The following ENTHD1 variants were observed in gnomAD, a reference collection of about 807,000 sequenced individuals.
ENTHD1 encodes ENTH domain-containing protein 1.
In ENTHD1, 23 loss-of-function variants were observed where a neutral mutation model predicts 39.1. The observed-to-expected ratio is 0.59, with a 90% CI of 0.42 to 0.83. The LOEUF (loss-of-function observed/expected upper bound fraction) is 0.83. ENTHD1 is among the 40% of genes least tolerant of loss of function. The probability of loss-of-function intolerance (pLI) is 0.00; values close to 1 mark genes in which losing one functional copy is unlikely to be tolerated. For synonymous variants in ENTHD1, 230 were observed against 258.2 expected (o/e 0.89, Z 1.05); for missense variants, 624 against 705.4 (o/e 0.88, Z 1.31).
At chr22:39,799,952 G>T (rs1407879670) in intron 5 of ENTHD1, among the ~76,000 whole-genome samples, 2 of 152,318 alleles carry the variant, frequency 1.3e-5, no homozygotes, top group Non-Finnish European at 2.9e-5. Flanking sequence ...ATGTAGTCTG[G>T]TGGGGGCTGG....
chr22:39,796,238 A>T (rs1397084236), intron 5 of ENTHD1, among the ~76,000 whole-genome samples: 1 of 151,768 alleles, frequency 6.6e-6, no homozygotes, highest in Non-Finnish European at 1.5e-5. Context: ...TGTCCCACTA[A>T]TTTTGGTATG....
At chr22:39,791,125 A>G (rs1392491886) in intron 5 of ENTHD1, among the ~76,000 whole-genome samples, 4 of 150,496 alleles carry the variant, frequency 2.7e-5, no homozygotes, top group Non-Finnish European at 4.4e-5. Flanking sequence ...CCATTTTAAT[A>G]TCCTAATACA....
At chr22:39,836,926 C>T (rs1432291770) in intron 3 of ENTHD1, among the ~76,000 whole-genome samples, 1 of 152,168 alleles carries the variant, frequency 6.6e-6, no homozygotes, top group Admixed American at 6.5e-5. Context: ...TCCTGTACAG[C>T]CTGCAGAACC....
intron 5 of ENTHD1, among the ~76,000 whole-genome samples, chr22:39,803,202 G>A (rs901198348): frequency 2.0e-5 from 3 of 151,842 alleles, no homozygotes; most frequent in South Asian, 2.1e-4. Flanking sequence ...CCATCCCCTC[G>A]TTTGCTACGT....
intron 4 of ENTHD1, among the ~76,000 whole-genome samples, chr22:39,821,384 T>C (rs2065782282): frequency 2.0e-5 from 3 of 152,208 alleles, no homozygotes; most frequent in Admixed American, 2.0e-4. Flanking sequence ...CCCTTCAGCA[T>C]CCTTACAGCA....
At chr22:39,745,031 G>A (rs963714648) in intron 6 of ENTHD1, among the ~76,000 whole-genome samples, 2 of 152,138 alleles carry the variant, frequency 1.3e-5, no homozygotes, top group Non-Finnish European at 2.9e-5. Flanking sequence ...TCCTTCAGAT[G>A]TTAGAAGATG....
At chr22:39,815,612 G>A (rs531327951) in intron 5 of ENTHD1, among the ~76,000 whole-genome samples, 48 of 152,088 alleles carry the variant, frequency 3.2e-4, no homozygotes, top group African/African-American at 9.9e-4. Context: ...CTAACCGTAC[G>A]GCAATTTCGC....
rs545622251 is a variant in ENTHD1, at chr22:39,847,163, A to G, written c.593-11205T>C. On this transcript the variant is annotated intron_variant, in intron 3 of 6. Coordinates refer to ENST00000325157, the MANE Select transcript of ENTHD1 (RefSeq NM_152512.4). ...AGACTGGATTAAGAAAATGTGGCAC[A>G]TATACACCATGGAATACTATGCAGC... Among the ~76,000 whole-genome samples, 663 of 152,176 alleles carry G rather than the reference A, an allele frequency of 4.4e-3. 6 individuals carry two copies. Among genetic ancestry groups the G allele is most frequent in the Non-Finnish European group, 6.6e-3 (450 of 67,994 alleles).
At chr22:39,763,145 T>TA (rs1257136494) in intron 6 of ENTHD1, among the ~76,000 whole-genome samples, 1 of 152,192 alleles carries the variant, frequency 6.6e-6, no homozygotes, top group Non-Finnish European at 1.5e-5. Context: ...TCCTGAGGCC[T>TA]AGGGTGTAGG....
intron 2 of ENTHD1, chr22:39,875,817 T>A: frequency 6.8e-6 from 11 of 1,613,636 alleles, no homozygotes; most frequent in Non-Finnish European, 1.7e-6. Context: ...CCCCTGTTTG[T>A]ACGTCATAGA....
chr22:39,816,841 A>G (rs946044357), intron 5 of ENTHD1, among the ~76,000 whole-genome samples: 5 of 152,040 alleles, frequency 3.3e-5, no homozygotes, highest in African/African-American at 1.2e-4. Flanking sequence ...TTGAAAGACA[A>G]TTCACAAGCT....
At chr22:39,831,853 T>C (rs1486826660) in intron 4 of ENTHD1, among the ~76,000 whole-genome samples, 4 of 151,778 alleles carry the variant, frequency 2.6e-5, no homozygotes, top group African/African-American at 9.7e-5. Flanking sequence ...AAACAAAATA[T>C]ATAGAAAGTA....
chr22:39,792,305 C>T (rs111902394), intron 5 of ENTHD1, among the ~76,000 whole-genome samples: 34 of 152,118 alleles, frequency 2.2e-4, no homozygotes, highest in African/African-American at 8.0e-4. Flanking sequence ...TTTGAGGAAT[C>T]GCCACACTGT....
intron 6 of ENTHD1, among the ~76,000 whole-genome samples, chr22:39,756,316 TCACACA>T (rs924008247): frequency 2.2e-5 from 3 of 138,012 alleles, no homozygotes; most frequent in African/African-American, 8.3e-5. Flanking sequence ...TCTCTCTCTC[TCACACA>T]CACACACACA....
At chr22:39,876,065 G>A (rs2066286958) in intron 2 of ENTHD1, 1 of 1,613,818 alleles carries the variant, frequency 6.2e-7, no homozygotes, top group Non-Finnish European at 8.5e-7. Flanking sequence ...TCTCAACCTT[G>A]AAGTCCCCAC....
chr22:39,746,736 G>A (rs2065108533), intron 6 of ENTHD1, among the ~76,000 whole-genome samples: 1 of 152,154 alleles, frequency 6.6e-6, no homozygotes, highest in African/African-American at 2.4e-5. Flanking sequence ...CCAGGGTGCT[G>A]GGAGGCCAGC....
intron 6 of ENTHD1, among the ~76,000 whole-genome samples, chr22:39,752,837 A>C (rs932893467): frequency 6.6e-6 from 1 of 152,162 alleles, no homozygotes; most frequent in East Asian, 1.9e-4. Flanking sequence ...CTTCAACTCT[A>C]CTCTGCACGG....
rs78123915 is a variant in ENTHD1 at position 39,864,591 on chromosome 22, A to G, written c.350-2584T>C. Among the ~76,000 whole-genome samples the G allele has an allele frequency of 5.5e-3, 835 of 152,274 alleles. 8 individuals are homozygous for G. Among genetic ancestry groups the G allele is most frequent in the Middle Eastern group, 0.02 (6 of 294 alleles). ...CAGAGAAGTCTCATTTTAGACACTG[A>G]TATCTTCAGTGTCTGCAAGAGTGAC... On this transcript the variant is annotated intron_variant, in intron 2 of 6. Coordinates refer to ENST00000325157, the MANE Select transcript of ENTHD1 (RefSeq NM_152512.4).
At chr22:39,849,089 T>A (rs1300388180) in intron 3 of ENTHD1, among the ~76,000 whole-genome samples, 1 of 152,130 alleles carries the variant, frequency 6.6e-6, no homozygotes, top group Non-Finnish European at 1.5e-5. Context: ...CATACCACAG[T>A]GTCATGATCA....
Sources: gnomAD v4.1 joint callset for allele counts (sites outside exome capture counted in the v4.1 genomes callset) on GRCh38, gnomAD v4.1.1 for gene constraint, MANE v1.5 for transcripts, NCBI Gene and HGNC (gene_info 2026-07-23, HGNC 2026-07-21) for gene names.